The following TBCD variants were observed in gnomAD, a reference collection of about 807,000 sequenced individuals.
TBCD encodes the protein tubulin-specific chaperone D.
TBCD carries 105 observed loss-of-function variants against 169.3 expected under a neutral mutation model. The observed-to-expected ratio is 0.62, with a 90% CI of 0.53 to 0.73. TBCD has a LOEUF of 0.73. Ranked by LOEUF, TBCD falls within the 30% of genes least tolerant of loss-of-function variation. TBCD has a pLI of 0.00. For synonymous variants in TBCD, 700 were observed against 643.9 expected (o/e 1.09, Z -1.32); for missense variants, 1,444 against 1,600.1 (o/e 0.90, Z 1.66).
At chr17:82,885,026 C>G (rs1047836981) in intron 15 of TBCD, 2 of 152,284 alleles carry the variant, frequency 1.3e-5, no homozygotes, top group Non-Finnish European at 2.9e-5. Context: ...CTCATGGGCT[C>G]GAGCTGCTGG....
chr17:82,876,911 A>G (rs1213601735), intron 14 of TBCD: 1 of 978,824 alleles, frequency 1.0e-6, no homozygotes, highest in Non-Finnish European at 1.2e-6. Context: ...TCCTGCTGTC[A>G]GCCGGTCTGA....
At chr17:82,776,967 G>T (rs945720694) in intron 6 of TBCD, among the ~76,000 whole-genome samples, 2 of 152,182 alleles carry the variant, frequency 1.3e-5, no homozygotes, top group Non-Finnish European at 2.9e-5. Context: ...CTGCGTGTCT[G>T]TGGGCTCCTT....
intron 22 of TBCD, 107 bp downstream of exon 22, chr17:82,909,414 T>C: frequency 1.1e-6 from 1 of 898,754 alleles, no homozygotes; most frequent in Admixed American, 2.4e-5. Context: ...CCTATGTGTG[T>C]TTGGGTTGAG....
Position 82,800,920 on chromosome 17 carries a change from C to G in TBCD, c.874C>G (p.Leu292Val), listed in dbSNP as rs375327000. 24 of 1,612,316 alleles carry G rather than the reference C, an allele frequency of 1.5e-5. No individual in the cohort carries two copies. In the African/African-American group the frequency reaches 2.5e-4, roughly 17 times the overall value. ...GCRLPESNQT[L>V]LRKLGVKLVQ... Reference sequence around the variant, plus strand: ...CAGACTCCCTGAGAGCAACCAGACCCTGCTGCGGAAGCTGGGGGTGAAGCT... The same window carrying G: ...CAGACTCCCTGAGAGCAACCAGACCGTGCTGCGGAAGCTGGGGGTGAAGCT... Residue 292 changes from leucine to valine, a missense_variant, in exon 9 of 39, where the codon CTG becomes GTG. Leu to Val is a conservative substitution (Grantham distance 32). Coordinates refer to ENST00000355528, the MANE Select transcript of TBCD (RefSeq NM_005993.5).
At chr17:82,786,022 C>G (rs1440297938) in intron 7 of TBCD, among the ~76,000 whole-genome samples, 2 of 152,174 alleles carry the variant, frequency 1.3e-5, no homozygotes, top group Non-Finnish European at 2.9e-5. Flanking sequence ...ACACCTGCTT[C>G]TTGGAATATT....
intron 13 of TBCD, among the ~76,000 whole-genome samples, chr17:82,848,122 T>C (rs1248202403): frequency 4.6e-5 from 7 of 152,220 alleles, no homozygotes; most frequent in African/African-American, 1.7e-4. Flanking sequence ...TGGCAGTTTC[T>C]GGGTGTGTGG....
chr17:82,869,194 T>G (rs1225480162), intron 13 of TBCD, among the ~76,000 whole-genome samples: 5 of 152,206 alleles, frequency 3.3e-5, no homozygotes, highest in Admixed American at 2.6e-4. Flanking sequence ...TCTCAAGTAT[T>G]TATTCCAAAG....
At position 82,866,306 on chromosome 17, in the gene TBCD, G is replaced by C. The variant is rs556663088; in HGVS notation, c.1319-3918G>C. ...TCCTCACTCCATTTTTCACCCCAGGGTATAGCAGCACCTACCACCCTGGGA... is the reference window on the plus strand; with the variant it reads ...TCCTCACTCCATTTTTCACCCCAGGCTATAGCAGCACCTACCACCCTGGGA... On this transcript the variant is annotated intron_variant, in intron 13 of 38. Coordinates refer to ENST00000355528, the MANE Select transcript of TBCD (RefSeq NM_005993.5). Among the ~76,000 whole-genome samples, 5 of 152,266 alleles carry C rather than the reference G, an allele frequency of 3.3e-5. No individual in the cohort carries two copies. In the East Asian group the frequency reaches 9.7e-4, roughly 29 times the overall value.
At position 82,943,000 on chromosome 17, in the gene TBCD, T is replaced by TGG. The variant is rs1290172675; in HGVS notation, c.*541_*542dup. The stretch of plus-strand genomic sequence containing the variant: ...GCTGTTTCTGGGCCCGTCTGCCTGG[T>TGG]GGGGGTGCTGTCCTCCCCCCTGTGC... On this transcript the variant is annotated 3_prime_UTR_variant, in exon 39 of 39. Transcript: ENST00000355528. 5.9e-6 allele frequency: 1 copy of TGG among 170,162 alleles called. No homozygotes were observed. Among genetic ancestry groups the TGG allele is most frequent in the Non-Finnish European group, 1.2e-5 (1 of 80,154 alleles). The allele number at this position is 170,162 out of a possible 1,614,324, so 10.5% of individuals were successfully genotyped here.
At chr17:82,802,301 A>T (rs567602474) in intron 9 of TBCD, among the ~76,000 whole-genome samples, 1 of 151,750 alleles carries the variant, frequency 6.6e-6, no homozygotes, top group East Asian at 2.0e-4. Context: ...TTTGGGAAGG[A>T]ATTACTTGGT....
chr17:82,919,026 C>T (rs1310732169), intron 23 of TBCD, among the ~76,000 whole-genome samples: 2 of 152,168 alleles, frequency 1.3e-5, no homozygotes, highest in African/African-American at 4.8e-5. Context: ...TAAAAATCCT[C>T]GAAGAAATTT....
intron 13 of TBCD, among the ~76,000 whole-genome samples, chr17:82,850,689 C>G (rs1278799513): frequency 1.3e-5 from 2 of 152,284 alleles, no homozygotes; most frequent in African/African-American, 4.8e-5. Flanking sequence ...CCCGGACCCC[C>G]TACAGTATGG....
At chr17:82,886,362 G>A (rs992145967) in intron 15 of TBCD, 1 of 150,666 alleles carries the variant, frequency 6.6e-6, no homozygotes, top group East Asian at 2.0e-4. Flanking sequence ...AAGGAATCTA[G>A]CAGACCCCCA....
intron 5 of TBCD, among the ~76,000 whole-genome samples, chr17:82,769,743 G>GA (rs1474320760): frequency 2.0e-5 from 3 of 152,064 alleles, no homozygotes; most frequent in African/African-American, 7.2e-5. Context: ...TGGGCCTGGT[G>GA]ACACATACCT....
intron 14 of TBCD, among the ~76,000 whole-genome samples, chr17:82,883,908 G>A (rs1257529124): frequency 2.6e-5 from 4 of 152,046 alleles, no homozygotes; most frequent in African/African-American, 9.7e-5. Context: ...GCACCGTCTC[G>A]TGGCTCTCGT....
intron 13 of TBCD, among the ~76,000 whole-genome samples, chr17:82,841,041 A>G (rs916683685): frequency 1.8e-4 from 23 of 130,232 alleles, no homozygotes; most frequent in African/African-American, 6.5e-4. Context: ...ATCTTGGCTC[A>G]CTGCGTTTCT....
At chr17:82,881,030 C>T (rs2058317646) in intron 14 of TBCD, among the ~76,000 whole-genome samples, 2 of 152,292 alleles carry the variant, frequency 1.3e-5, no homozygotes, top group South Asian at 4.1e-4. Context: ...TTGGGAAGGG[C>T]CTCCCCCAGC....
At chr17:82,813,203 A>G (rs1223905324) in intron 12 of TBCD, among the ~76,000 whole-genome samples, 1 of 152,052 alleles carries the variant, frequency 6.6e-6, no homozygotes, top group Non-Finnish European at 1.5e-5. Flanking sequence ...GTCATTTTAC[A>G]TTAGTGCTGT....
chr17:82,906,912 G>T (rs533497956), intron 20 of TBCD, among the ~76,000 whole-genome samples: 11 of 152,374 alleles, frequency 7.2e-5, no homozygotes, highest in African/African-American at 2.4e-4. Context: ...GGCACATGGG[G>T]TGGGGTCTGG....
Sources: gnomAD v4.1 joint callset for allele counts (sites outside exome capture counted in the v4.1 genomes callset) on GRCh38, gnomAD v4.1.1 for gene constraint, MANE v1.5 for transcripts, NCBI Gene and HGNC (gene_info 2026-07-23, HGNC 2026-07-21) for gene names.